The following UNC45A variants were observed in gnomAD, a reference collection of about 807,000 sequenced individuals.
The protein encoded by UNC45A is unc-45 myosin chaperone A.
Under a neutral mutation model 103.2 loss-of-function variants are expected in UNC45A, and 78 were observed. That is an observed-to-expected ratio of 0.76 (90% CI 0.63 to 0.91). The LOEUF is 0.91. Among genes scored for constraint, UNC45A ranks in the 40% least tolerant of loss-of-function variants. The probability of loss-of-function intolerance (pLI) is 0.00; values close to 1 mark genes in which losing one functional copy is unlikely to be tolerated. For missense variants in UNC45A, 1,193 were observed against 1,224.8 expected, an observed-to-expected ratio of 0.97 and a Z score of 0.39; for synonymous variants, 495 against 504.6, an observed-to-expected ratio of 0.98 and a Z score of 0.25.
chr15:90,937,581 G>C (rs1448139226), intron 4 of UNC45A, among the ~76,000 whole-genome samples: 1 of 151,228 alleles, frequency 6.6e-6, no homozygotes, highest in African/African-American at 2.4e-5. Context: ...CTGCCTCCCA[G>C]GTTCAAGTGA....
At position 90,950,201 on chromosome 15, in the gene UNC45A, G is replaced by A. The variant is rs1373338396; in HGVS notation, c.2121G>A (p.Lys707=). The change falls in exon 16 of 20, where the codon AAG becomes AAA. Residue 707 remains lysine, a synonymous_variant. Coordinates refer to ENST00000418476, the MANE Select transcript of UNC45A (RefSeq NM_018671.5). Reference sequence around the variant, plus strand: ...AAGGCACGGACGTGGGGCAGACAAAGGCAGCCCAGGCCCTTGCCAAGCTCA... The same window carrying A: ...AAGGCACGGACGTGGGGCAGACAAAAGCAGCCCAGGCCCTTGCCAAGCTCA... ...ALEGTDVGQT[K]AAQALAKLTI... 6.4e-7 allele frequency: 1 copy of A among 1,551,744 alleles called. No homozygotes were observed. Among genetic ancestry groups the A allele is most frequent in the Non-Finnish European group, 8.7e-7 (1 of 1,147,010 alleles).
intron 7 of UNC45A, 77 bp from the exon 8 acceptor site, chr15:90,942,835 G>T: frequency 6.5e-7 from 1 of 1,532,164 alleles, no homozygotes; most frequent in Non-Finnish European, 8.8e-7. Context: ...GTGTCTCCCT[G>T]GTTTGTTGGA....
rs2036710295 is a variant in UNC45A, at chr15:90,948,661, A to T, written c.1745A>T (p.Glu582Val). 2 of 1,613,494 alleles carry T rather than the reference A, an allele frequency of 1.2e-6. No individual in the cohort carries two copies. Among genetic ancestry groups the T allele is most frequent in the African/African-American group, 2.7e-5 (2 of 74,874 alleles). ...TCCTCTGTGTCCTGGCAGTTGGAGG[A>T]GAGGTCAGTGCTCTTTGCGGTGGCC... ...KALFQLSRLE[E>V]RSVLFAVASA... Residue 582 changes from glutamate (E) to valine (V), a missense_variant, in exon 13 of 20, where the codon GAG becomes GTG. By Grantham distance (121) the Glu-to-Val change is moderately radical. Transcript: ENST00000418476.
Position 90,935,348 on chromosome 15 carries a change from C to A in UNC45A, c.24C>A (p.Thr8=). 1 of 1,604,160 alleles carries A rather than the reference C, an allele frequency of 6.2e-7. No individual in the cohort carries two copies. The highest frequency in any genetic ancestry group is 8.5e-7 in the Non-Finnish European group (1 of 1,176,544). MTVSGPG[T]PEPRPATPGA... ...CGATGACTGTGAGTGGTCCAGGGACCCCCGAGCCCCGGCCGGCCACCCCCG... is the reference window on the plus strand; with the variant it reads ...CGATGACTGTGAGTGGTCCAGGGACACCCGAGCCCCGGCCGGCCACCCCCG... Residue 8 remains threonine (T), a synonymous_variant, in exon 1 of 20, where the codon ACC becomes ACA. Transcript: ENST00000418476.
Position 90,953,616 on chromosome 15 carries a change from T to C in UNC45A, c.2735T>C (p.Leu912Pro), listed in dbSNP as rs1267055392. 1.2e-6 allele frequency: 2 copies of C among 1,614,084 alleles called. No individual in the cohort carries two copies. The highest frequency in any genetic ancestry group is 1.7e-6 in the Non-Finnish European group (2 of 1,180,010). Residue 912 changes from leucine to proline, a missense_variant, in exon 20 of 20, where the codon CTA becomes CCA. Coordinates refer to ENST00000418476, the MANE Select transcript of UNC45A (RefSeq NM_018671.5). The stretch of plus-strand genomic sequence containing the variant: ...GAGATGATGGAGATCTTGTCAGTGC[T>C]AGCTAAGGGTGACCACAGCCCTGTC... Reference protein sequence around the residue: ...ESEMMEILSVLAKGDHSPVTR... With the variant: ...ESEMMEILSVPAKGDHSPVTR...
chr15:90,942,550 C>T lies in UNC45A; in HGVS notation c.801C>T (p.Ala267=). Residue 267 remains alanine, a synonymous_variant, in exon 7 of 20, where the codon GCC becomes GCT. Transcript: ENST00000418476. ...ACCTGCTGCAGGTTATGTTTGATGC[C>T]CTCAAGGAAGGTGTCAAAAAAGGCT... ...ACHLLQVMFD[A]LKEGVKKGFR... The T allele has an allele frequency of 6.2e-7, 1 of 1,614,098 alleles. No homozygotes were observed. Among genetic ancestry groups the T allele is most frequent in the Non-Finnish European group, 8.5e-7 (1 of 1,180,022 alleles).
At position 90,953,641 on chromosome 15, in the gene UNC45A, C is replaced by T. The variant is rs373992406; in HGVS notation, c.2760C>T (p.Val920=). 21 of 1,614,116 alleles carry T rather than the reference C, an allele frequency of 1.3e-5. No homozygotes were observed. In the African/African-American group the frequency reaches 2.5e-4, roughly 19 times the overall value. The change falls in exon 20 of 20, where the codon GTC becomes GTT. Residue 920 remains valine (V), a synonymous_variant. Coordinates refer to ENST00000418476, the MANE Select transcript of UNC45A (RefSeq NM_018671.5). The part of the protein sequence containing the change: ...SVLAKGDHSP[V]TRAAAACLDK... Reference sequence around the variant, plus strand: ...TAGCTAAGGGTGACCACAGCCCTGTCACAAGGGCTGCTGCAGCCTGCCTGG... The same window carrying T: ...TAGCTAAGGGTGACCACAGCCCTGTTACAAGGGCTGCTGCAGCCTGCCTGG...
At chr15:90,940,519 GTCTGTCCATCCATTCCTCCATCCACCCA>G (rs2036239660) in intron 6 of UNC45A, 46 bp downstream of exon 6, 1 of 1,573,244 alleles carries the variant, frequency 6.4e-7, no homozygotes, top group African/African-American at 1.4e-5. Flanking sequence ...CCCTTTGTCT[GTCTGTCCATCCATTCCTCCATCCACCCA>G]TCTGTCCATC....
intron 4 of UNC45A, among the ~76,000 whole-genome samples, chr15:90,937,692 TG>T (rs2151356789): frequency 6.6e-6 from 1 of 152,280 alleles, no homozygotes; most frequent in South Asian, 2.1e-4. Context: ...TTCACTGTGT[TG>T]GCCAGGATGG....
At chr15:90,932,427 A>G, upstream of UNC45A, 4 of 1,346,048 alleles carry the variant, frequency 3.0e-6, no homozygotes, top group Non-Finnish European at 3.8e-6. Context: ...CGACGCGCCC[A>G]CCGATGGGGT....
At chr15:90,938,182 A>G (rs1466717390) in intron 4 of UNC45A, among the ~76,000 whole-genome samples, 1 of 152,184 alleles carries the variant, frequency 6.6e-6, no homozygotes, top group Non-Finnish European at 1.5e-5. Context: ...CCCCTGGGGA[A>G]AGGAATGGGA....
At chr15:90,947,428 T>G in intron 10 of UNC45A, 1 of 290,616 alleles carries the variant, frequency 3.4e-6, no homozygotes, top group Non-Finnish European at 6.7e-6. Flanking sequence ...CCCATAAGGA[T>G]TTGGCTGTGG....
At chr15:90,937,256 G>C (rs1567148773) in intron 4 of UNC45A, among the ~76,000 whole-genome samples, 1 of 152,168 alleles carries the variant, frequency 6.6e-6, no homozygotes, top group Admixed American at 6.5e-5. Context: ...TGAGGCAGGA[G>C]AGTCCTTTGA....
chr15:90,946,490 T>A (rs774648234), intron 9 of UNC45A, 124 bp from the exon 10 acceptor site: 11 of 1,127,124 alleles, frequency 9.8e-6, no homozygotes, highest in Non-Finnish European at 1.2e-5. Flanking sequence ...AGTCCTCCCA[T>A]TGGCAGCTTT....
At chr15:90,934,845 G>A (rs1168713375), upstream of UNC45A, 6 of 417,618 alleles carry the variant, frequency 1.4e-5, no homozygotes, top group Non-Finnish European at 1.3e-5. Flanking sequence ...AGGGAGTCCT[G>A]AGCTTTCTCC....
chr15:90,937,062 T>C (rs1020403742), intron 4 of UNC45A, among the ~76,000 whole-genome samples: 3 of 152,102 alleles, frequency 2.0e-5, no homozygotes, highest in Admixed American at 6.6e-5. Flanking sequence ...CAAAGCAAAA[T>C]AGGCAGGGCA....
chr15:90,936,346 G>A lies in UNC45A; in HGVS notation c.312G>A (p.Lys104=). 1 of 1,614,240 alleles carries A rather than the reference G, an allele frequency of 6.2e-7. No homozygotes were observed. Residue 104 remains lysine, a synonymous_variant, in exon 4 of 20, where the codon AAG becomes AAA. Coordinates refer to ENST00000418476, the MANE Select transcript of UNC45A (RefSeq NM_018671.5). ...ALYRRSQALE[K]LGRLDQAVLD... Reference sequence around the variant, plus strand: ...ACCGGCGGAGCCAAGCCCTAGAGAAGCTGGGCCGCCTGGACCAGGCTGTCC... The same window carrying A: ...ACCGGCGGAGCCAAGCCCTAGAGAAACTGGGCCGCCTGGACCAGGCTGTCC...
Position 90,946,664 on chromosome 15 carries a change from C to T in UNC45A, c.1250C>T (p.Thr417Met), listed in dbSNP as rs199668693. Reference sequence around the variant, plus strand: ...GCCGGGAAGCTACGGGCCATCCAGACGGTGTCCTGCCTCCTGCAGGGCCCA... The same window carrying T: ...GCCGGGAAGCTACGGGCCATCCAGATGGTGTCCTGCCTCCTGCAGGGCCCA... ...GLAGKLRAIQ[T>M]VSCLLQGPCD... is the part of the protein sequence containing the mutation. The change falls in exon 10 of 20, where the codon ACG becomes ATG. Residue 417 changes from threonine to methionine, a missense_variant. Thr to Met is a moderately conservative substitution (Grantham distance 81). Coordinates refer to ENST00000418476, the MANE Select transcript of UNC45A (RefSeq NM_018671.5). 222 of 1,612,074 alleles carry T rather than the reference C, an allele frequency of 1.4e-4. No homozygotes were observed. The highest frequency in any genetic ancestry group is 1.8e-4 in the Non-Finnish European group (207 of 1,179,890).
intron 6 of UNC45A, chr15:90,940,976 G>A (rs1302464157): frequency 6.6e-6 from 1 of 152,130 alleles, no homozygotes; most frequent in East Asian, 1.9e-4. Flanking sequence ...CATGTAACAA[G>A]AGAGAAAAAA....
Sources: allele counts gnomAD v4.1 joint callset (sites outside exome capture counted in the v4.1 genomes callset), GRCh38; gene constraint gnomAD v4.1.1; transcripts MANE v1.5; gene names NCBI Gene and HGNC (gene_info 2026-07-23, HGNC 2026-07-21).